SRGAP3: variants seen among roughly 807,000 people sequenced by gnomAD.
The protein encoded by SRGAP3 is SLIT-ROBO Rho GTPase-activating protein 3.
SRGAP3 carries 39 observed loss-of-function variants against 121.1 expected under a neutral mutation model. The observed-to-expected ratio is 0.32, with a 90% CI of 0.25 to 0.42. The LOEUF is 0.42. Ranked by LOEUF, SRGAP3 falls within the 10% of genes least tolerant of loss-of-function variation. The probability of loss-of-function intolerance (pLI) is 1.00; values close to 1 mark genes in which losing one functional copy is unlikely to be tolerated. For missense variants in SRGAP3, 1,213 were observed against 1,470.6 expected (o/e 0.82, Z 2.86); for synonymous variants, 601 against 570.0 (o/e 1.05, Z -0.77).
At chr3:9,148,068 C>T (rs1950084693) in intron 1 of SRGAP3, among the ~76,000 whole-genome samples, 1 of 152,164 alleles carries the variant, frequency 6.6e-6, no homozygotes, top group Non-Finnish European at 1.5e-5. Context: ...ACCCACGGAT[C>T]CAGTTTAGCT....
At chr3:9,303,071 TCTTA>T (rs151136784) in intron 3 of SRGAP3, among the ~76,000 whole-genome samples, 4,926 of 151,748 alleles carry the variant, frequency 0.032, 270 homozygotes, top group African/African-American at 0.11. Context: ...CTCGATTTTT[TCTTA>T]CTTATATTTT....
chr3:9,060,474 G>C, intron 5 of SRGAP3, 115 bp from the exon 6 acceptor site: 1 of 1,355,372 alleles, frequency 7.4e-7, no homozygotes, highest in Non-Finnish European at 1.0e-6. Flanking sequence ...TCACCCAGGT[G>C]AGAGTGCAGT....
At chr3:9,026,306 C>T (rs927610103) in intron 13 of SRGAP3, among the ~76,000 whole-genome samples, 1 of 152,094 alleles carries the variant, frequency 6.6e-6, no homozygotes, top group African/African-American at 2.4e-5. Context: ...TTTATTTTTC[C>T]ACTTGATAAT....
At chr3:9,253,372 T>G (rs1182365883), upstream of SRGAP3, among the ~76,000 whole-genome samples, 1 of 152,082 alleles carries the variant, frequency 6.6e-6, no homozygotes, top group African/African-American at 2.4e-5. Context: ...AAAAAAAGAA[T>G]TTGGGGTTAA....
intron 9 of SRGAP3, among the ~76,000 whole-genome samples, chr3:9,052,728 A>C (rs998570421): frequency 5.9e-5 from 9 of 152,028 alleles, no homozygotes; most frequent in Non-Finnish European, 1.2e-4. Flanking sequence ...CTTGTACCTG[A>C]CTCTGTCAGC....
intron 13 of SRGAP3, among the ~76,000 whole-genome samples, chr3:9,026,535 C>T (rs753316182): frequency 1.6e-4 from 24 of 152,176 alleles, no homozygotes; most frequent in South Asian, 4.1e-4. Flanking sequence ...AAAGTAATTG[C>T]GGTTTTTGCC....
intron 4 of SRGAP3, among the ~76,000 whole-genome samples, chr3:9,065,087 T>G (rs910310599): frequency 6.6e-6 from 1 of 152,140 alleles, no homozygotes; most frequent in African/African-American, 2.4e-5. Flanking sequence ...ACATCCTTCT[T>G]ACACACAAAT....
chr3:9,078,723 G>A (rs1947097527), intron 4 of SRGAP3, among the ~76,000 whole-genome samples: 1 of 152,084 alleles, frequency 6.6e-6, no homozygotes, highest in Non-Finnish European at 1.5e-5. Context: ...AGGCTGTTCT[G>A]CCCCCCAGTG....
chr3:9,232,667 C>T (rs1464050588), intron 1 of SRGAP3, among the ~76,000 whole-genome samples: 1 of 152,020 alleles, frequency 6.6e-6, no homozygotes, highest in African/African-American at 2.4e-5. Context: ...TACTATAGAC[C>T]AGGGCCAATT....
chr3:9,276,427 TG>T (rs1245566372), intron 3 of SRGAP3, among the ~76,000 whole-genome samples: 15 of 113,306 alleles, frequency 1.3e-4, no homozygotes, highest in African/African-American at 3.9e-4. Flanking sequence ...TTTGACTGTT[TG>T]TTTTTTTTTT....
intron 1 of SRGAP3, among the ~76,000 whole-genome samples, chr3:9,160,032 G>A (rs1207672575): frequency 6.6e-6 from 1 of 152,212 alleles, no homozygotes; most frequent in Non-Finnish European, 1.5e-5. Context: ...GGTAGTGGTT[G>A]AGAATGTAAG....
chr3:9,224,568 A>G (rs572951979), intron 1 of SRGAP3, among the ~76,000 whole-genome samples: 2 of 152,336 alleles, frequency 1.3e-5, no homozygotes, highest in South Asian at 2.1e-4. Flanking sequence ...AAATACCTTC[A>G]TATCTGTGGG....
At chr3:9,146,526 A>G (rs1036080612) in intron 1 of SRGAP3, among the ~76,000 whole-genome samples, 13 of 152,228 alleles carry the variant, frequency 8.5e-5, no homozygotes, top group South Asian at 2.1e-4. Context: ...TAAGTGAAAT[A>G]TAAGTTTACA....
chr3:9,165,048 G>A (rs1950734566), intron 1 of SRGAP3, among the ~76,000 whole-genome samples: 1 of 152,272 alleles, frequency 6.6e-6, no homozygotes, highest in South Asian at 2.1e-4. Context: ...CTTGGGGGAT[G>A]CAGAGGCAGG....
intron 10 of SRGAP3, among the ~76,000 whole-genome samples, chr3:9,040,004 T>G (rs904280271): frequency 6.6e-6 from 1 of 152,224 alleles, no homozygotes; most frequent in African/African-American, 2.4e-5. Flanking sequence ...ACCTCCCCTC[T>G]TCTTTAAGCC....
At position 9,015,691 on chromosome 3, in the gene SRGAP3, G is replaced by T; in HGVS notation, c.1719C>A (p.Ile573=). 1 of 1,614,194 alleles carries T rather than the reference G, an allele frequency of 6.2e-7. No individual in the cohort carries two copies. The highest frequency in any genetic ancestry group is 1.1e-5 in the South Asian group (1 of 91,082). ...PLVDDQNERD[I]NSVAGVLKLY... ...GTTTTAAAACACCAGCGACTGAATT[G>T]ATATCTCGTTCATTTTGATCGTCCA... Residue 573 remains isoleucine (I), a synonymous_variant, in exon 15 of 22, where the codon ATC becomes ATA. Coordinates refer to ENST00000383836, the MANE Select transcript of SRGAP3 (RefSeq NM_014850.4).
In SRGAP3 at chr3:9,327,685, T is replaced by TA. The variant is rs1301650005; in HGVS notation, n.284-1518dup. On this transcript the variant is annotated intron_variant and non_coding_transcript_variant, in intron 2 of 3. Transcript: ENST00000490889. ...ACATGTCCCAGGCCTTACCTAGCTG[T>TA]AAAGCAGGCAAGCTGTACAGTTAAA... Among the ~76,000 whole-genome samples the TA allele has an allele frequency of 2.6e-4, 39 of 152,222 alleles. 1 individual carries two copies. The highest frequency in any genetic ancestry group is 1.8e-4 in the Non-Finnish European group (12 of 68,030).
At position 9,010,315 on chromosome 3, in the gene SRGAP3, G is replaced by A. The variant is rs140803863; in HGVS notation, c.2220C>T (p.Ser740=). The part of the protein sequence containing the change: ...DHDNGTEPHT[S]DEEVEQIEAI... The stretch of plus-strand genomic sequence containing the variant: ...AGGATCCCCCTCACTCACCTTCATC[G>A]CTGGTATGAGGCTCAGTGCCATTGT... Residue 740 remains serine (S), a synonymous_variant, in exon 18 of 22, where the codon AGC becomes AGT. Transcript: ENST00000383836. 281 of 1,614,092 alleles carry A rather than the reference G, an allele frequency of 1.7e-4. No homozygotes were observed. Among genetic ancestry groups the A allele is most frequent in the Middle Eastern group, 1.5e-3 (9 of 6,062 alleles).
At chr3:9,169,038 G>A (rs966350031) in intron 1 of SRGAP3, among the ~76,000 whole-genome samples, 2 of 152,168 alleles carry the variant, frequency 1.3e-5, no homozygotes, top group African/African-American at 4.8e-5. Flanking sequence ...TGCAGTGCAT[G>A]GCCAGCACAA....
Sources: gnomAD v4.1 joint callset for allele counts (sites outside exome capture counted in the v4.1 genomes callset) on GRCh38, gnomAD v4.1.1 for gene constraint, MANE v1.5 for transcripts, NCBI Gene and HGNC (gene_info 2026-07-23, HGNC 2026-07-21) for gene names.